KCNJ15: variants seen among roughly 807,000 people sequenced by gnomAD.
KCNJ15 encodes the protein potassium inwardly rectifying channel subfamily J member 15.
A neutral mutation model predicts 23.0 loss-of-function variants in KCNJ15; 14 were observed. That is an observed-to-expected ratio of 0.61 (90% confidence interval 0.40 to 0.95). The LOEUF (loss-of-function observed/expected upper bound fraction) is 0.95, where lower values mean the gene tolerates loss of function less well. KCNJ15 is among the 40% of genes least tolerant of loss of function. KCNJ15 has a pLI of 0.00. For missense variants in KCNJ15, 388 were observed against 461.8 expected, an observed-to-expected ratio of 0.84 and a Z score of 1.46; for synonymous variants, 185 against 183.2, an observed-to-expected ratio of 1.01 and a Z score of -0.08.
rs2146357358 is a variant in KCNJ15 at position 38,301,131 on chromosome 21, A to G, written c.*742A>G. The G allele has an allele frequency of 6.0e-6, 1 of 167,220 alleles. No individual in the cohort carries two copies. The highest frequency in any genetic ancestry group is 1.9e-4 in the East Asian group (1 of 5,190). 10.4% of individuals were successfully genotyped at this position (167,220 alleles called of 1,614,324 possible). A position where few individuals can be genotyped will look rare whatever the true frequency, so the allele number is the denominator to read the frequency against. On this transcript the variant is annotated 3_prime_UTR_variant, in exon 3 of 3. Transcript: ENST00000398938. Reference sequence around the variant, plus strand: ...AAAATGTGGTTCACAGACCCGCCACATCAGCACCATCCGAGAGCTTATTAG... The same window carrying G: ...AAAATGTGGTTCACAGACCCGCCACGTCAGCACCATCCGAGAGCTTATTAG...
chr21:38,262,237 C>T (rs193292789), intron 1 of KCNJ15, among the ~76,000 whole-genome samples: 30 of 152,298 alleles, frequency 2.0e-4, no homozygotes, highest in South Asian at 8.3e-4. Flanking sequence ...TTCCTACCAA[C>T]GCCATTCTCA....
At position 38,296,912 on chromosome 21, in the gene KCNJ15, C is replaced by T. The variant is rs983340900; in HGVS notation, c.-116-14C>T. 1.3e-5 allele frequency: 2 copies of T among 152,568 alleles called. No homozygotes were observed. The highest frequency in any genetic ancestry group is 4.8e-5 in the African/African-American group (2 of 41,398). The allele number at this position is 152,568 out of a possible 1,614,324, so 9.5% of individuals were successfully genotyped here. A position where few individuals can be genotyped will look rare whatever the true frequency, so the allele number is the denominator to read the frequency against. The stretch of plus-strand genomic sequence containing the variant: ...GTAACCATCTATGAATCCATGTGTC[C>T]CTCTTTCTTTCAGGCAGTAGCAGAA... On this transcript the variant is annotated splice_polypyrimidine_tract_variant and intron_variant, in intron 1 of 2. Transcript: ENST00000398938.
At chr21:38,295,535 T>C (rs1306291699) in intron 1 of KCNJ15, among the ~76,000 whole-genome samples, 1 of 150,676 alleles carries the variant, frequency 6.6e-6, no homozygotes, top group Non-Finnish European at 1.5e-5. Flanking sequence ...TGAGTACTGG[T>C]GGCAAGCTGC....
chr21:38,277,027 T>TTGTGTG lies in KCNJ15; in HGVS notation c.-117+19858_-117+19863dup, dbSNP rs3988469. Among the ~76,000 whole-genome samples, 1,284 of 149,930 alleles carry TTGTGTG rather than the reference T, an allele frequency of 8.6e-3. 18 individuals are homozygous for TTGTGTG. Among genetic ancestry groups the TTGTGTG allele is most frequent in the South Asian group, 0.071 (336 of 4,734 alleles). On this transcript the variant is annotated intron_variant, in intron 1 of 2. Coordinates refer to ENST00000398938, the MANE Select transcript of KCNJ15 (RefSeq NM_170736.3). ...GTCTGAGAGTGTTTAGATTAAAAAATTGTGTGTGTGTGTGTGTGTGTAAAA... is the reference window on the plus strand; with the variant it reads ...GTCTGAGAGTGTTTAGATTAAAAAATTGTGTGTGTGTGTGTGTGTGTGTGTGTAAAA...
intron 1 of KCNJ15, among the ~76,000 whole-genome samples, chr21:38,231,663 T>C (rs561623352): frequency 4.8e-5 from 7 of 144,798 alleles, no homozygotes; most frequent in Non-Finnish European, 1.1e-4. Flanking sequence ...AGTTTTTTTT[T>C]TATCATAAAT....
chr21:38,300,869 T>G lies in KCNJ15; in HGVS notation c.*480T>G, dbSNP rs1241825723. 1 of 168,602 alleles carries G rather than the reference T, an allele frequency of 5.9e-6. No individual in the cohort carries two copies. Among genetic ancestry groups the G allele is most frequent in the Non-Finnish European group, 1.4e-5 (1 of 69,570 alleles). The allele number at this position is 168,602 out of a possible 1,614,324, so 10.4% of individuals were successfully genotyped here. A position where few individuals can be genotyped will look rare whatever the true frequency, so the allele number is the denominator to read the frequency against. On this transcript the variant is annotated 3_prime_UTR_variant, in exon 3 of 3. Coordinates refer to ENST00000398938, the MANE Select transcript of KCNJ15 (RefSeq NM_170736.3). ...GTTCAAGCAGGAAAAATATTATATC[T>G]AATTATGTCTATGTGGTAATACCTA...
Position 38,238,850 on chromosome 21 carries a change from T to A in KCNJ15, c.-398-18196T>A, listed in dbSNP as rs557468256. ...AAACAAAAGTATAGTAAAAAATGAT[T>A]CTCCCTTTCAGTTCTCTCTTTAACC... On this transcript the variant is annotated intron_variant, in intron 1 of 4. Transcript: ENST00000547341. Among the ~76,000 whole-genome samples the A allele has an allele frequency of 3.4e-4, 51 of 152,238 alleles. 1 individual carries two copies. The South Asian group carries it at 0.01, about 31-fold the overall frequency.
rs553534139 is a variant in KCNJ15, at chr21:38,274,449, C to T, written c.-117+17264C>T. Among the ~76,000 whole-genome samples, 4 of 152,288 alleles carry T rather than the reference C, an allele frequency of 2.6e-5. 1 individual carries two copies. The highest frequency in any genetic ancestry group is 4.1e-4 in the South Asian group (2 of 4,832). On this transcript the variant is annotated intron_variant, in intron 1 of 2. Transcript: ENST00000398938. ...AAAATGCACGTGGAGCTCTTGCACA[C>T]GTTTTCTATAACTTGTCTTCCTTCC...
Position 38,305,617 on chromosome 21 carries a change from A to T in KCNJ15, c.*5228A>T, listed in dbSNP as rs1986030437. On this transcript the variant is annotated 3_prime_UTR_variant, in exon 3 of 3. Coordinates refer to ENST00000398938, the MANE Select transcript of KCNJ15 (RefSeq NM_170736.3). Reference sequence around the variant, plus strand: ...TATGTCCTATATGGAGTAATTTTTTATTTGTGTAGACTTTTTTAGGATACC... The same window carrying T: ...TATGTCCTATATGGAGTAATTTTTTTTTTGTGTAGACTTTTTTAGGATACC... The T allele has an allele frequency of 6.6e-6, 1 of 152,186 alleles. No homozygotes were observed. The highest frequency in any genetic ancestry group is 2.4e-5 in the African/African-American group (1 of 41,446). The allele number at this position is 152,186 out of a possible 1,614,324, so 9.4% of individuals were successfully genotyped here. A position where few individuals can be genotyped will look rare whatever the true frequency, so the allele number is the denominator to read the frequency against.
chr21:38,259,950 C>G (rs1980705334), intron 1 of KCNJ15, among the ~76,000 whole-genome samples: 1 of 152,168 alleles, frequency 6.6e-6, no homozygotes, highest in Admixed American at 6.5e-5. Context: ...AGTGCTAAAT[C>G]TTCCCTAAAA....
chr21:38,268,536 A>T (rs1981706255), intron 1 of KCNJ15, among the ~76,000 whole-genome samples: 2 of 136,086 alleles, frequency 1.5e-5, no homozygotes, highest in Non-Finnish European at 3.2e-5. Context: ...ATCTGACAAG[A>T]GTACTTAAAA....
chr21:38,243,402 A>T (rs909398025), intron 1 of KCNJ15, among the ~76,000 whole-genome samples: 1 of 152,188 alleles, frequency 6.6e-6, no homozygotes, highest in African/African-American at 2.4e-5. Flanking sequence ...TTTTTCTGAA[A>T]GAAGTCCAGG....
chr21:38,258,945 C>T (rs972384476), intron 1 of KCNJ15, among the ~76,000 whole-genome samples: 2 of 152,100 alleles, frequency 1.3e-5, no homozygotes, highest in Non-Finnish European at 2.9e-5. Context: ...TAAGGCTCAG[C>T]ACAACCTCAC....
At chr21:38,260,457 C>T (rs181701838) in intron 1 of KCNJ15, among the ~76,000 whole-genome samples, 9 of 152,298 alleles carry the variant, frequency 5.9e-5, no homozygotes, top group Admixed American at 3.9e-4. Context: ...CATTGTGCCT[C>T]AACTAGAGAA....
intron 1 of KCNJ15, among the ~76,000 whole-genome samples, chr21:38,283,770 A>G: frequency 6.6e-6 from 1 of 152,224 alleles, no homozygotes; most frequent in Non-Finnish European, 1.5e-5. Flanking sequence ...CCATGCAGGA[A>G]GCTCTTCATT....
At chr21:38,282,964 A>G (rs1389271491) in intron 1 of KCNJ15, among the ~76,000 whole-genome samples, 1 of 152,174 alleles carries the variant, frequency 6.6e-6, no homozygotes, top group Non-Finnish European at 1.5e-5. Flanking sequence ...TACCAGGCAT[A>G]GAGCAAAGAA....
chr21:38,293,290 A>G lies in KCNJ15; in HGVS notation c.-116-3636A>G, dbSNP rs115267610. Among the ~76,000 whole-genome samples, 437 of 152,270 alleles carry G rather than the reference A, an allele frequency of 2.9e-3. 6 individuals carry two copies. The highest frequency in any genetic ancestry group is 1.0e-2 in the African/African-American group (414 of 41,558). ...ACCCACATGCAAGGCAAGCCATGTGATGATCCCGACACCTCTCTTCAGGCA... is the reference window on the plus strand; with the variant it reads ...ACCCACATGCAAGGCAAGCCATGTGGTGATCCCGACACCTCTCTTCAGGCA... On this transcript the variant is annotated intron_variant, in intron 1 of 2. Coordinates refer to ENST00000398938, the MANE Select transcript of KCNJ15 (RefSeq NM_170736.3).
At chr21:38,272,071 A>G (rs1982158508) in intron 1 of KCNJ15, among the ~76,000 whole-genome samples, 1 of 152,226 alleles carries the variant, frequency 6.6e-6, no homozygotes, top group Non-Finnish European at 1.5e-5. Context: ...CCCTTTAGAG[A>G]GAATTCAAGA....
At chr21:38,272,004 T>C (rs1651906082) in intron 1 of KCNJ15, among the ~76,000 whole-genome samples, 1 of 152,134 alleles carries the variant, frequency 6.6e-6, no homozygotes, top group African/African-American at 2.4e-5. Flanking sequence ...ACCATGACAG[T>C]TTTAAGAATT....
Sources: allele counts gnomAD v4.1 joint callset (sites outside exome capture counted in the v4.1 genomes callset), GRCh38; gene constraint gnomAD v4.1.1; transcripts MANE v1.5; gene names NCBI Gene and HGNC (gene_info 2026-07-23, HGNC 2026-07-21).